Variants in MTSS1 observed in about 807,000 individuals in gnomAD.
MTSS1 encodes the protein MTSS I-BAR domain containing 1.
A neutral mutation model predicts 79.0 loss-of-function variants in MTSS1; 18 were observed. The observed-to-expected ratio is 0.23, with a 90% CI of 0.16 to 0.34. The LOEUF (loss-of-function observed/expected upper bound fraction) is 0.34, where lower values mean the gene tolerates loss of function less well. MTSS1 is among the 10% of genes least tolerant of loss of function. The pLI is 1.00. For missense variants in MTSS1, 815 were observed against 986.2 expected (o/e 0.83, Z 2.33); for synonymous variants, 341 against 368.6 (o/e 0.93, Z 0.86).
chr8:124,709,571 G>C (rs1372377516), intron 1 of MTSS1, among the ~76,000 whole-genome samples: 1 of 152,238 alleles, frequency 6.6e-6, no homozygotes, highest in African/African-American at 2.4e-5. Flanking sequence ...TCAGAGAGGA[G>C]AGCCAGGAGT....
chr8:124,629,587 C>G (rs1024098660), intron 3 of MTSS1, among the ~76,000 whole-genome samples: 1 of 151,792 alleles, frequency 6.6e-6, no homozygotes, highest in African/African-American at 2.4e-5. Context: ...GTACCTAACT[C>G]TGAAGCCCGA....
intron 3 of MTSS1, among the ~76,000 whole-genome samples, chr8:124,659,507 C>T (rs865793690): frequency 1.3e-5 from 2 of 152,116 alleles, no homozygotes; most frequent in Non-Finnish European, 1.5e-5. Context: ...AGAAAAGCTA[C>T]CTAAAAATCA....
intron 6 of MTSS1, among the ~76,000 whole-genome samples, chr8:124,570,965 G>A (rs528477016): frequency 2.0e-5 from 3 of 152,172 alleles, no homozygotes; most frequent in African/African-American, 7.2e-5. Flanking sequence ...GAGCCACAGC[G>A]CCTGGGTGTT....
chr8:124,601,526 G>A (rs1245784423), intron 3 of MTSS1, among the ~76,000 whole-genome samples: 2 of 152,218 alleles, frequency 1.3e-5, no homozygotes, highest in African/African-American at 4.8e-5. Flanking sequence ...CTCATGGCAG[G>A]TTGTAATATT....
chr8:124,614,780 G>A (rs1313989679), intron 3 of MTSS1, among the ~76,000 whole-genome samples: 1 of 152,190 alleles, frequency 6.6e-6, no homozygotes. Flanking sequence ...AAAGGGCAGG[G>A]GGAGGAAAGG....
At chr8:124,718,646 G>C (rs1050887277) in intron 1 of MTSS1, among the ~76,000 whole-genome samples, 2 of 152,170 alleles carry the variant, frequency 1.3e-5, no homozygotes, top group African/African-American at 4.8e-5. Flanking sequence ...GCCTCAAAAG[G>C]GAGGTCTCCC....
chr8:124,692,274 C>T (rs1241807566), intron 3 of MTSS1, among the ~76,000 whole-genome samples: 1 of 152,008 alleles, frequency 6.6e-6, no homozygotes, highest in African/African-American at 2.4e-5. Context: ...AAGTGATCCA[C>T]CCACCTCGGC....
At chr8:124,622,324 G>A (rs1813725102) in intron 3 of MTSS1, among the ~76,000 whole-genome samples, 1 of 151,822 alleles carries the variant, frequency 6.6e-6, no homozygotes, top group Non-Finnish European at 1.5e-5. Context: ...TGGGGGAGGT[G>A]AAGGAGGAAA....
At chr8:124,620,395 T>C (rs1161378162) in intron 3 of MTSS1, among the ~76,000 whole-genome samples, 1 of 152,320 alleles carries the variant, frequency 6.6e-6, no homozygotes, top group East Asian at 1.9e-4. Flanking sequence ...CTAAGAGAAA[T>C]AGCTTTTGCT....
intron 3 of MTSS1, among the ~76,000 whole-genome samples, chr8:124,596,899 C>T (rs1832862618): frequency 6.6e-6 from 1 of 152,118 alleles, no homozygotes. Context: ...GTCTAAATTT[C>T]CCTCTTCCTA....
At chr8:124,722,993 A>G (rs1176114610) in intron 1 of MTSS1, among the ~76,000 whole-genome samples, 2 of 152,182 alleles carry the variant, frequency 1.3e-5, no homozygotes, top group Non-Finnish European at 2.9e-5. Flanking sequence ...CATCTAATGA[A>G]TCAATAGTTT....
At chr8:124,718,447 G>A (rs1355101567) in intron 1 of MTSS1, among the ~76,000 whole-genome samples, 1 of 152,054 alleles carries the variant, frequency 6.6e-6, no homozygotes. Context: ...GGCTAGTCCT[G>A]GCTCTGCTCC....
intron 3 of MTSS1, among the ~76,000 whole-genome samples, chr8:124,651,296 A>T (rs1819910490): frequency 6.6e-6 from 1 of 152,250 alleles, no homozygotes; most frequent in Admixed American, 6.5e-5. Flanking sequence ...GTATGCTGAT[A>T]GCACCAGGCA....
intron 6 of MTSS1, chr8:124,580,100 A>C (rs1586961721): frequency 6.4e-6 from 1 of 157,138 alleles, no homozygotes; most frequent in East Asian, 1.8e-4. Flanking sequence ...TGCAGACAGG[A>C]CAAAGTTAAA....
chr8:124,589,259 G>A (rs1831406391), intron 5 of MTSS1, among the ~76,000 whole-genome samples: 1 of 152,054 alleles, frequency 6.6e-6, no homozygotes, highest in South Asian at 2.1e-4. Flanking sequence ...TCAAACTCCT[G>A]ACCTCAAGTG....
At chr8:124,580,164 T>C (rs1239363643) in intron 6 of MTSS1, 1 of 105,886 alleles carries the variant, frequency 9.4e-6, no homozygotes, top group Non-Finnish European at 2.1e-5. Context: ...ATTTTGAGGC[T>C]TGCAGCTCTG....
chr8:124,699,340 C>G (rs1335638837), intron 3 of MTSS1, 186 bp downstream of exon 3: 4 of 585,206 alleles, frequency 6.8e-6, no homozygotes, highest in African/African-American at 5.6e-5. Context: ...TTCACATGTG[C>G]TTTATTATCC....
chr8:124,726,392 T>C (rs151140158), intron 1 of MTSS1, among the ~76,000 whole-genome samples: 1 of 152,334 alleles, frequency 6.6e-6, no homozygotes, highest in East Asian at 1.9e-4. Flanking sequence ...GGCAACAGAA[T>C]GAAAGGGGCT....
At chr8:124,650,735 G>A (rs1222718733) in intron 3 of MTSS1, among the ~76,000 whole-genome samples, 1 of 152,194 alleles carries the variant, frequency 6.6e-6, no homozygotes, top group Non-Finnish European at 1.5e-5. Context: ...AACTGAAGCT[G>A]AGAATGATGG....
Sources: gnomAD v4.1 joint callset for allele counts (sites outside exome capture counted in the v4.1 genomes callset) on GRCh38, gnomAD v4.1.1 for gene constraint, MANE v1.5 for transcripts, NCBI Gene and HGNC (gene_info 2026-07-23, HGNC 2026-07-21) for gene names.